ASTN2: variants seen among roughly 807,000 people sequenced by gnomAD.
ASTN2 encodes astrotactin-2.
In ASTN2, 54 loss-of-function variants were observed where a neutral mutation model predicts 139.8. The ratio of observed to expected loss-of-function variants is 0.39; its 90% confidence interval spans 0.31 to 0.48. The LOEUF (loss-of-function observed/expected upper bound fraction) is 0.48. Among genes scored for constraint, ASTN2 ranks in the 20% least tolerant of loss-of-function variants. The pLI, the probability that ASTN2 is intolerant of heterozygous loss-of-function variation, is 0.95. For missense variants in ASTN2, 1,565 were observed against 1,725.1 expected, an observed-to-expected ratio of 0.91 and a Z score of 1.64; for synonymous variants, 756 against 719.5, an observed-to-expected ratio of 1.05 and a Z score of -0.81.
At chr9:117,334,550 A>ATC (rs920331853) in intron 1 of ASTN2, among the ~76,000 whole-genome samples, 1 of 148,630 alleles carries the variant, frequency 6.7e-6, no homozygotes, top group African/African-American at 2.5e-5. Flanking sequence ...CCTTGCCTTC[A>ATC]TCTCCCAGCA....
chr9:116,932,333 G>A (rs1834923345), intron 10 of ASTN2, among the ~76,000 whole-genome samples: 1 of 152,192 alleles, frequency 6.6e-6, no homozygotes, highest in African/African-American at 2.4e-5. Flanking sequence ...CAGCCTGGTA[G>A]TGGACCCTAA....
intron 19 of ASTN2, among the ~76,000 whole-genome samples, chr9:116,563,047 C>T (rs898882932): frequency 6.6e-6 from 1 of 151,846 alleles, no homozygotes; most frequent in Non-Finnish European, 1.5e-5. Context: ...TCTGGTATGA[C>T]AAAAGAGAAG....
intron 19 of ASTN2, among the ~76,000 whole-genome samples, chr9:116,590,874 T>A (rs1028292771): frequency 3.9e-5 from 6 of 152,134 alleles, no homozygotes; most frequent in Non-Finnish European, 8.8e-5. Flanking sequence ...AGGTCTCCTC[T>A]CTGCTGAGAG....
chr9:117,063,666 T>C (rs1839363861), intron 5 of ASTN2, among the ~76,000 whole-genome samples: 1 of 152,188 alleles, frequency 6.6e-6, no homozygotes, highest in Non-Finnish European at 1.5e-5. Flanking sequence ...AGTATTGCAA[T>C]GCTTTTAGTC....
At chr9:117,177,957 T>C (rs1236427244) in intron 3 of ASTN2, among the ~76,000 whole-genome samples, 1 of 152,140 alleles carries the variant, frequency 6.6e-6, no homozygotes, top group Non-Finnish European at 1.5e-5. Context: ...CTCTTTACCA[T>C]CAACTCCAAG....
chr9:116,580,536 T>C (rs1853907461), intron 19 of ASTN2, among the ~76,000 whole-genome samples: 1 of 152,182 alleles, frequency 6.6e-6, no homozygotes, highest in African/African-American at 2.4e-5. Flanking sequence ...GTTCTAAACC[T>C]GTGCTTTGCT....
intron 19 of ASTN2, among the ~76,000 whole-genome samples, chr9:116,602,815 A>T (rs1854975250): frequency 6.6e-6 from 1 of 152,160 alleles, no homozygotes; most frequent in Admixed American, 6.5e-5. Context: ...CTACAGTCCC[A>T]GCTACTCAGA....
At chr9:117,066,027 TTTTA>T (rs1827927664) in intron 5 of ASTN2, among the ~76,000 whole-genome samples, 1 of 151,144 alleles carries the variant, frequency 6.6e-6, no homozygotes, top group African/African-American at 2.5e-5. Context: ...TTTTTTTTTT[TTTTA>T]TTATACTTTA....
At chr9:116,691,709 A>T (rs1234416693) in intron 16 of ASTN2, among the ~76,000 whole-genome samples, 1 of 152,156 alleles carries the variant, frequency 6.6e-6, no homozygotes, top group Non-Finnish European at 1.5e-5. Context: ...CTTCATCAGA[A>T]TCCTCTCCCA....
chr9:116,897,273 G>T (rs1335106139), intron 10 of ASTN2, among the ~76,000 whole-genome samples: 3 of 152,190 alleles, frequency 2.0e-5, no homozygotes, highest in Admixed American at 6.5e-5. Flanking sequence ...GCTCTGTGAC[G>T]ATTGTCAAGT....
chr9:117,190,969 C>T (rs1831332304), intron 3 of ASTN2, among the ~76,000 whole-genome samples: 1 of 151,882 alleles, frequency 6.6e-6, no homozygotes. Context: ...TAAATAGTTC[C>T]TGACACACAG....
intron 1 of ASTN2, among the ~76,000 whole-genome samples, chr9:117,334,136 G>C (rs1019051418): frequency 6.6e-6 from 1 of 152,160 alleles, no homozygotes; most frequent in African/African-American, 2.4e-5. Flanking sequence ...TAAAAAAGGG[G>C]TGTGGCTATT....
intron 1 of ASTN2, among the ~76,000 whole-genome samples, chr9:117,333,273 T>G (rs1232836462): frequency 6.6e-6 from 1 of 152,122 alleles, no homozygotes; most frequent in East Asian, 1.9e-4. Context: ...AATGATTCTG[T>G]GAGGTGTGCA....
chr9:116,662,351 T>G (rs753165299), intron 16 of ASTN2, among the ~76,000 whole-genome samples: 10 of 152,100 alleles, frequency 6.6e-5, no homozygotes, highest in Admixed American at 2.6e-4. Flanking sequence ...GGTGGGCGGA[T>G]CACCTGAGGT....
At chr9:117,307,673 T>C (rs530992609) in intron 1 of ASTN2, among the ~76,000 whole-genome samples, 1 of 152,324 alleles carries the variant, frequency 6.6e-6, no homozygotes, top group Admixed American at 6.5e-5. Context: ...GCCACCTTCA[T>C]GGGCAGACAT....
At chr9:116,791,428 T>C (rs1006177207) in intron 13 of ASTN2, among the ~76,000 whole-genome samples, 1 of 152,226 alleles carries the variant, frequency 6.6e-6, no homozygotes, top group African/African-American at 2.4e-5. Context: ...TAAGAATGCA[T>C]AATGCCTTGA....
At chr9:117,266,477 C>T (rs1833941224) in intron 2 of ASTN2, among the ~76,000 whole-genome samples, 1 of 152,156 alleles carries the variant, frequency 6.6e-6, no homozygotes, top group African/African-American at 2.4e-5. Context: ...GTTAAAAGAG[C>T]CACCATCAAC....
intron 3 of ASTN2, among the ~76,000 whole-genome samples, chr9:117,167,253 T>G (rs770126762): frequency 6.6e-6 from 1 of 151,432 alleles, no homozygotes; most frequent in Non-Finnish European, 1.5e-5. Context: ...TATCATCCAA[T>G]GTTGATCACA....
chr9:117,143,751 C>T (rs1424340896), intron 3 of ASTN2, among the ~76,000 whole-genome samples: 1 of 151,742 alleles, frequency 6.6e-6, no homozygotes, highest in Non-Finnish European at 1.5e-5. Context: ...TACAGATGGC[C>T]ACCTTCTCCT....
Sources: gnomAD v4.1 joint callset for allele counts (sites outside exome capture counted in the v4.1 genomes callset) on GRCh38, gnomAD v4.1.1 for gene constraint, MANE v1.5 for transcripts, NCBI Gene and HGNC (gene_info 2026-07-23, HGNC 2026-07-21) for gene names.